LRRTM3: variants seen among roughly 807,000 people sequenced by gnomAD.
The protein encoded by LRRTM3 is leucine rich repeat transmembrane neuronal 3.
Under a neutral mutation model 44.7 loss-of-function variants are expected in LRRTM3, and 24 were observed. The observed-to-expected ratio is 0.54, with a 90% CI of 0.39 to 0.76. The LOEUF (loss-of-function observed/expected upper bound fraction) is 0.76, where lower values mean the gene tolerates loss of function less well. LRRTM3 is among the 30% of genes least tolerant of loss of function. The pLI is 0.00. For synonymous variants in LRRTM3, 277 were observed against 278.7 expected (o/e 0.99, Z 0.06); for missense variants, 587 against 702.2 (o/e 0.84, Z 1.85).
intron 2 of LRRTM3, among the ~76,000 whole-genome samples, chr10:66,963,242 T>C (rs953616003): frequency 6.6e-6 from 1 of 152,190 alleles, no homozygotes; most frequent in African/African-American, 2.4e-5. Context: ...CATTATGCCA[T>C]GGAAGAGCAA....
intron 2 of LRRTM3, among the ~76,000 whole-genome samples, chr10:66,967,369 G>GATATACATATATCTACATATGTGT (rs1256372189): frequency 1.3e-4 from 19 of 150,946 alleles, no homozygotes; most frequent in Non-Finnish European, 2.8e-4. Context: ...GATATATGTA[G>GATATACATATATCTACATATGTGT]ATATACATAT....
At chr10:66,962,044 G>A (rs539939205) in intron 2 of LRRTM3, among the ~76,000 whole-genome samples, 5 of 152,180 alleles carry the variant, frequency 3.3e-5, no homozygotes, top group Admixed American at 6.5e-5. Context: ...TTAAGCCACC[G>A]TTATTCCTGT....
chr10:67,017,397 T>C (rs1440821927), intron 2 of LRRTM3, among the ~76,000 whole-genome samples: 1 of 152,154 alleles, frequency 6.6e-6, no homozygotes, highest in East Asian at 1.9e-4. Context: ...ATCCTGTTGC[T>C]CTGGAAAGAA....
chr10:67,030,364 C>T (rs2133106848), intron 2 of LRRTM3, among the ~76,000 whole-genome samples: 1 of 152,218 alleles, frequency 6.6e-6, no homozygotes, highest in East Asian at 1.9e-4. Context: ...TAAAAACCCT[C>T]TTAATTATAA....
chr10:67,030,833 G>C (rs182497466), intron 2 of LRRTM3, among the ~76,000 whole-genome samples: 1 of 151,972 alleles, frequency 6.6e-6, no homozygotes, highest in Non-Finnish European at 1.5e-5. Context: ...GTGAAACCCC[G>C]TCTCTACTAA....
At chr10:66,934,651 A>G (rs1847590022) in intron 2 of LRRTM3, among the ~76,000 whole-genome samples, 1 of 152,158 alleles carries the variant, frequency 6.6e-6, no homozygotes, top group Non-Finnish European at 1.5e-5. Context: ...TAATTCCTAG[A>G]AAACAAAGTA....
chr10:66,932,533 A>G (rs961391324), intron 2 of LRRTM3, among the ~76,000 whole-genome samples: 3 of 152,138 alleles, frequency 2.0e-5, no homozygotes, highest in Admixed American at 6.6e-5. Flanking sequence ...GAGTTTTGCT[A>G]TTGTTGTATT....
At chr10:67,014,316 A>C (rs950011963) in intron 2 of LRRTM3, among the ~76,000 whole-genome samples, 2 of 152,120 alleles carry the variant, frequency 1.3e-5, no homozygotes, top group Non-Finnish European at 2.9e-5. Flanking sequence ...AATTTATGTC[A>C]TTCTGTTTTG....
intron 2 of LRRTM3, among the ~76,000 whole-genome samples, chr10:66,981,184 G>C (rs867594130): frequency 6.6e-6 from 1 of 152,300 alleles, no homozygotes; most frequent in East Asian, 1.9e-4. Flanking sequence ...GATTACAGGC[G>C]TGAGCCACCG....
intron 2 of LRRTM3, among the ~76,000 whole-genome samples, chr10:67,031,080 C>T (rs1853698345): frequency 6.6e-6 from 1 of 152,176 alleles, no homozygotes; most frequent in South Asian, 2.1e-4. Context: ...CCCCGTCATA[C>T]TTGACTTCTG....
At chr10:66,934,576 A>C (rs1211817483) in intron 2 of LRRTM3, among the ~76,000 whole-genome samples, 2 of 152,192 alleles carry the variant, frequency 1.3e-5, no homozygotes, top group Non-Finnish European at 2.9e-5. Context: ...TTGAAAAAAC[A>C]GGATATATAG....
chr10:67,084,584 T>A, intron 2 of LRRTM3, among the ~76,000 whole-genome samples: 1 of 152,110 alleles, frequency 6.6e-6, no homozygotes, highest in Non-Finnish European at 1.5e-5. Context: ...TTAGATTTCC[T>A]TAACCATATA....
intron 2 of LRRTM3, among the ~76,000 whole-genome samples, chr10:67,046,728 A>C (rs894914181): frequency 3.9e-5 from 6 of 152,162 alleles, no homozygotes; most frequent in Non-Finnish European, 8.8e-5. Context: ...TTTTGTTACC[A>C]TTATCCTTCT....
intron 2 of LRRTM3, among the ~76,000 whole-genome samples, chr10:66,930,500 T>C (rs923030132): frequency 6.6e-6 from 1 of 152,192 alleles, no homozygotes; most frequent in African/African-American, 2.4e-5. Flanking sequence ...GTACTAAAGA[T>C]GTTTGTATTA....
At chr10:66,974,491 A>T (rs1263760129) in intron 2 of LRRTM3, among the ~76,000 whole-genome samples, 1 of 152,172 alleles carries the variant, frequency 6.6e-6, no homozygotes, top group Non-Finnish European at 1.5e-5. Context: ...ATTCGCCAGC[A>T]TATGTTTTTA....
At chr10:67,038,473 G>A (rs1213413798) in intron 2 of LRRTM3, among the ~76,000 whole-genome samples, 1 of 152,048 alleles carries the variant, frequency 6.6e-6, no homozygotes, top group African/African-American at 2.4e-5. Flanking sequence ...AGGCTACTGT[G>A]TGAGCTCAGG....
intron 2 of LRRTM3, among the ~76,000 whole-genome samples, chr10:67,048,646 C>T (rs1854897308): frequency 6.6e-6 from 1 of 152,026 alleles, no homozygotes; most frequent in African/African-American, 2.4e-5. Context: ...ATTTTGAGAG[C>T]TGCAGAAAAC....
In LRRTM3 at chr10:66,942,085, C is replaced by T. The variant is rs182466640; in HGVS notation, c.1536+13633C>T. Among the ~76,000 whole-genome samples, 31 of 152,214 alleles carry T rather than the reference C, an allele frequency of 2.0e-4. No homozygotes were observed. The East Asian group carries it at 4.6e-3, about 23-fold the overall frequency. ...CCTCATCTGTAAAATGGGAACAATA[C>T]TTCATGTCCCAGCACAATTTTGAGG... On this transcript the variant is annotated intron_variant, in intron 2 of 2. Coordinates refer to ENST00000361320, the MANE Select transcript of LRRTM3 (RefSeq NM_178011.5).
chr10:66,943,877 C>T lies in LRRTM3; in HGVS notation c.1536+15425C>T, dbSNP rs887211692. On this transcript the variant is annotated intron_variant, in intron 2 of 2. Coordinates refer to ENST00000361320, the MANE Select transcript of LRRTM3 (RefSeq NM_178011.5). The stretch of plus-strand genomic sequence containing the variant: ...AGCACTATGTCAAAGAAACAATGTG[C>T]TTATAATTTAAAAATACTTTATTGC... Among the ~76,000 whole-genome samples the T allele has an allele frequency of 3.5e-4, 54 of 152,116 alleles. 1 individual carries two copies. Among genetic ancestry groups the T allele is most frequent in the African/African-American group, 1.2e-3 (48 of 41,424 alleles).
Sources: gnomAD v4.1 joint callset for allele counts (sites outside exome capture counted in the v4.1 genomes callset) on GRCh38, gnomAD v4.1.1 for gene constraint, MANE v1.5 for transcripts, NCBI Gene and HGNC (gene_info 2026-07-23, HGNC 2026-07-21) for gene names.